Variants in IMPG2 observed in about 807,000 individuals in gnomAD.
IMPG2 encodes IPM 200.
IMPG2 carries 91 observed loss-of-function variants against 129.2 expected under a neutral mutation model. That is an observed-to-expected ratio of 0.70 (90% CI 0.59 to 0.84). The LOEUF (loss-of-function observed/expected upper bound fraction) is 0.84. Among genes scored for constraint, IMPG2 ranks in the 40% least tolerant of loss-of-function variants. IMPG2 has a pLI of 0.00. For synonymous variants in IMPG2, 510 were observed against 517.7 expected (o/e 0.99, Z 0.20); for missense variants, 1,430 against 1,461.7 (o/e 0.98, Z 0.35).
At chr3:101,270,023 C>G (rs1204907475) in intron 7 of IMPG2, among the ~76,000 whole-genome samples, 1 of 150,508 alleles carries the variant, frequency 6.6e-6, no homozygotes, top group African/African-American at 2.4e-5. Context: ...CTCCACCTTC[C>G]AGGTTCAAGC....
chr3:101,250,984 T>G (rs1706537780), intron 11 of IMPG2, among the ~76,000 whole-genome samples: 1 of 152,192 alleles, frequency 6.6e-6, no homozygotes, highest in Non-Finnish European at 1.5e-5. Context: ...GATCATACCA[T>G]AAGAGGGAAT....
rs1707168063 is a variant in IMPG2 at position 101,304,400 on chromosome 3, T to C, written c.335-88A>G. On this transcript the variant is annotated intron_variant, in intron 2 of 18. Coordinates refer to ENST00000193391, the MANE Select transcript of IMPG2 (RefSeq NM_016247.4). The stretch of plus-strand genomic sequence containing the variant: ...CATAGACTGATTCGTACAGATTCCT[T>C]GAGACACTGAAGTGTCCTTTCTGGA... 2.4e-6 allele frequency: 3 copies of C among 1,228,608 alleles called. No individual in the cohort carries two copies. In the Admixed American group the frequency reaches 5.3e-5, roughly 22 times the overall value. The allele number at this position is 1,228,608 out of a possible 1,614,324, so 76.1% of individuals were successfully genotyped here.
In IMPG2 at chr3:101,264,694, G is replaced by T. The variant is rs184912478; in HGVS notation, c.908+2817C>A. ...GTTCAGCATAGTACCAGAAGTCCTA[G>T]CCAGAGCAATCAAGCAAAAGGAATA... is the stretch of plus-strand genomic sequence containing the variant. On this transcript the variant is annotated intron_variant, in intron 9 of 18. Transcript: ENST00000193391. 3.5e-4 allele frequency among the ~76,000 whole-genome samples: 53 copies of T among 152,068 alleles called. 1 individual carries two copies. Among genetic ancestry groups the T allele is most frequent in the Non-Finnish European group, 8.8e-5 (6 of 67,962 alleles).
intron 3 of IMPG2, among the ~76,000 whole-genome samples, chr3:101,303,938 T>G (rs1465942825): frequency 6.6e-6 from 1 of 152,136 alleles, no homozygotes; most frequent in Non-Finnish European, 1.5e-5. Flanking sequence ...GTGGACAGAA[T>G]AACATGAAAA....
At chr3:101,309,990 T>C (rs1376664729) in intron 2 of IMPG2, among the ~76,000 whole-genome samples, 1 of 152,124 alleles carries the variant, frequency 6.6e-6, no homozygotes, top group African/African-American at 2.4e-5. Context: ...AGTTTAAAAA[T>C]GGTTCAAAGA....
chr3:101,260,051 C>A (rs1706653452), intron 9 of IMPG2, among the ~76,000 whole-genome samples: 1 of 152,068 alleles, frequency 6.6e-6, no homozygotes, highest in South Asian at 2.1e-4. Context: ...CAAGAGACTT[C>A]TTCCTGGGAG....
chr3:101,269,434 A>G lies in IMPG2; in HGVS notation c.887+81T>C, dbSNP rs72932474. ...CATTCAAACCATTTATTGTTAGAAT[A>G]TGTGTGATAAATATAATGGACATTC... On this transcript the variant is annotated intron_variant, in intron 8 of 18. Coordinates refer to ENST00000193391, the MANE Select transcript of IMPG2 (RefSeq NM_016247.4). The G allele has an allele frequency of 9.3e-4, 758 of 816,130 alleles. 3 individuals carry two copies. The African/African-American group carries it at 0.011, about 12-fold the overall frequency. 50.6% of individuals were successfully genotyped at this position (816,130 alleles called of 1,614,324 possible).
At chr3:101,281,682 G>A (rs972750869) in intron 4 of IMPG2, among the ~76,000 whole-genome samples, 10 of 152,152 alleles carry the variant, frequency 6.6e-5, no homozygotes, top group Admixed American at 2.6e-4. Context: ...CTTGCTAATC[G>A]GCAGATCTTA....
intron 8 of IMPG2, among the ~76,000 whole-genome samples, chr3:101,267,804 T>A (rs893123023): frequency 6.6e-5 from 10 of 152,126 alleles, no homozygotes; most frequent in African/African-American, 2.2e-4. Flanking sequence ...GAAACTTTTT[T>A]CAGTAAATCA....
chr3:101,257,664 C>T lies in IMPG2; in HGVS notation c.1018G>A (p.Glu340Lys), dbSNP rs746366363. The T allele has an allele frequency of 4.0e-5, 64 of 1,613,432 alleles. No individual in the cohort carries two copies. The highest frequency in any genetic ancestry group is 1.7e-4 in the Middle Eastern group (1 of 6,054). ...ACAACAGTGGGTTTATCATCCAGTT[C>T]CACAAGGCCATGGTTTTCCACCTTG... ...SNKVENHGLVELDDKPTVVYT... is the reference protein window; with the variant it reads ...SNKVENHGLVKLDDKPTVVYT... Residue 340 changes from glutamate to lysine, a missense_variant, in exon 10 of 19, where the codon GAA (glutamate) becomes AAA (lysine). Physicochemically the swap from Glu to Lys is moderately conservative, Grantham distance 56. Transcript: ENST00000193391.
At chr3:101,319,986 GGC>G (rs2058803736) in intron 1 of IMPG2, among the ~76,000 whole-genome samples, 154 bp from the exon 2 acceptor site, 1 of 152,050 alleles carries the variant, frequency 6.6e-6, no homozygotes, top group African/African-American at 2.4e-5. Flanking sequence ...AGAGGAGTGA[GGC>G]AGTCCATCTT....
rs1706182478 is a variant in IMPG2, at chr3:101,223,043, A to G, written c.*3926T>C. ...AGGGGAGTGGTTTAACCTGTCTCTT[A>G]TTAACTCATAGCAGTAATGTAAGGT... is the stretch of plus-strand genomic sequence containing the variant. On this transcript the variant is annotated 3_prime_UTR_variant, in exon 19 of 19. Transcript: ENST00000193391. 2 of 152,204 alleles carry G rather than the reference A, an allele frequency of 1.3e-5. No individual in the cohort carries two copies. Among genetic ancestry groups the G allele is most frequent in the South Asian group, 2.1e-4 (1 of 4,832 alleles). The allele number at this position is 152,204 out of a possible 1,614,324, so 9.4% of individuals were successfully genotyped here.
At position 101,242,768 on chromosome 3, in the gene IMPG2, A is replaced by G; in HGVS notation, c.2942T>C (p.Met981Thr). Residue 981 changes from methionine to threonine, a missense_variant, in exon 14 of 19, where the codon ATG becomes ACG. Met to Thr is a moderately conservative substitution (Grantham distance 81). Transcript: ENST00000193391. ...AGTGGTACAAAAGTCTTCCAGAATC[A>G]TGTACACCGCATTGTTGACGTTAGG... ...VPPNVNNAVYMILEDFCTTAY... is the reference protein window; with the variant it reads ...VPPNVNNAVYTILEDFCTTAY... 6.2e-7 allele frequency: 1 copy of G among 1,614,046 alleles called. No individual in the cohort carries two copies. The highest frequency in any genetic ancestry group is 8.5e-7 in the Non-Finnish European group (1 of 1,179,948).
chr3:101,246,493 T>C (rs1040453743), intron 11 of IMPG2, among the ~76,000 whole-genome samples: 5 of 152,188 alleles, frequency 3.3e-5, no homozygotes, highest in African/African-American at 1.2e-4. Context: ...AAGATCTAAG[T>C]ACATTGCCCA....
chr3:101,265,467 A>T lies in IMPG2; in HGVS notation c.908+2044T>A, dbSNP rs578226152. Among the ~76,000 whole-genome samples, 5 of 152,294 alleles carry T rather than the reference A, an allele frequency of 3.3e-5. No individual in the cohort carries two copies. In the South Asian group the frequency reaches 1.0e-3, roughly 32 times the overall value. ...GCAGGAAGGACACTCTCTTCAATGA[A>T]TGGTGCTGGGAAAACTGGATATCCA... is the stretch of plus-strand genomic sequence containing the variant. On this transcript the variant is annotated intron_variant, in intron 9 of 18. Transcript: ENST00000193391.
intron 9 of IMPG2, among the ~76,000 whole-genome samples, chr3:101,259,101 C>T (rs963050610): frequency 1.3e-5 from 2 of 152,088 alleles, no homozygotes; most frequent in Non-Finnish European, 2.9e-5. Context: ...GTTACCCTCT[C>T]AGTAGCTTCA....
chr3:101,297,054 C>T lies in IMPG2; in HGVS notation c.502-5544G>A, dbSNP rs576135404. Reference sequence around the variant, plus strand: ...AGTAGCTGGGACTACAGGCGCCAGGCGCCAGCCACCACGCCTGGCTAATTT... The same window carrying T: ...AGTAGCTGGGACTACAGGCGCCAGGTGCCAGCCACCACGCCTGGCTAATTT... On this transcript the variant is annotated intron_variant, in intron 3 of 18. Coordinates refer to ENST00000193391, the MANE Select transcript of IMPG2 (RefSeq NM_016247.4). 6.1e-3 allele frequency among the ~76,000 whole-genome samples: 923 copies of T among 152,246 alleles called. 12 individuals are homozygous for T. Among genetic ancestry groups the T allele is most frequent in the African/African-American group, 0.021 (886 of 41,552 alleles).
intron 7 of IMPG2, among the ~76,000 whole-genome samples, chr3:101,270,093 A>G (rs1423970558): frequency 2.0e-5 from 3 of 151,906 alleles, no homozygotes; most frequent in Non-Finnish European, 4.4e-5. Context: ...GTGCGCCACC[A>G]TGCTCGGCTA....
chr3:101,307,795 A>C (rs1161401644), intron 2 of IMPG2, among the ~76,000 whole-genome samples: 7 of 152,168 alleles, frequency 4.6e-5, no homozygotes, highest in African/African-American at 1.7e-4. Flanking sequence ...CCTTTCCAAC[A>C]GTCTCCCAAA....
Sources: allele counts gnomAD v4.1 joint callset (sites outside exome capture counted in the v4.1 genomes callset), GRCh38; gene constraint gnomAD v4.1.1; transcripts MANE v1.5; gene names NCBI Gene and HGNC (gene_info 2026-07-23, HGNC 2026-07-21).